TENM1: variants seen among roughly 807,000 people sequenced by gnomAD.
TENM1 encodes teneurin transmembrane protein 1.
Under a neutral mutation model 174.8 loss-of-function variants are expected in TENM1, and 35 were observed. That is an observed-to-expected ratio of 0.20 (90% CI 0.15 to 0.27). TENM1 has a LOEUF of 0.27. Among genes scored for constraint, TENM1 ranks in the 10% least tolerant of loss-of-function variants. The probability of loss-of-function intolerance (pLI) is 1.00; values close to 1 mark genes in which losing one functional copy is unlikely to be tolerated. For synonymous variants in TENM1, 781 were observed against 798.7 expected (o/e 0.98, Z 0.37); for missense variants, 1,633 against 2,130.1 (o/e 0.77, Z 4.59).
the TENM1 span, among the ~76,000 whole-genome samples, chrX:124,987,701 TTGTGTGTGTG>T: frequency 0.012 from 1,075 of 91,368 alleles, 4 homozygotes; most frequent in East Asian, 0.062. Flanking sequence ...GTTCTGCATT[TTGTGTGTGTG>T]TGTGTGTGTG....
chrX:124,835,433 T>C (rs1454996890), intron 3 of TENM1, among the ~76,000 whole-genome samples: 3 of 112,320 alleles, frequency 2.7e-5, no homozygotes, highest in East Asian at 5.5e-4. Context: ...ATCATAATTA[T>C]GAAATATAAT....
intron 5 of TENM1, 135 bp downstream of exon 8, chrX:124,704,878 A>G: frequency 2.1e-6 from 1 of 475,903 alleles, no homozygotes; most frequent in Non-Finnish European, 3.6e-6. Flanking sequence ...AAAGAAGAAA[A>G]TCAATTTGTT....
At chrX:125,068,745 T>C in the TENM1 span, among the ~76,000 whole-genome samples, 1 of 111,578 alleles carries the variant, frequency 9.0e-6, no homozygotes, top group South Asian at 3.8e-4. Flanking sequence ...AGAGAACAGA[T>C]TTGATCTGGG....
the TENM1 span, among the ~76,000 whole-genome samples, chrX:125,203,367 C>T: frequency 8.9e-6 from 1 of 112,456 alleles, no homozygotes; most frequent in Non-Finnish European, 1.9e-5. Flanking sequence ...CCGAGCCTCC[C>T]ATCCTCACCC....
At chrX:125,005,905 C>G in the TENM1 span, among the ~76,000 whole-genome samples, 1 of 111,660 alleles carries the variant, frequency 9.0e-6, no homozygotes, top group Non-Finnish European at 1.9e-5. Context: ...TGAGCCTATA[C>G]CACTAGAGCC....
chrX:124,399,357 C>T (rs1205502309), intron 27 of TENM1, among the ~76,000 whole-genome samples: 1 of 112,255 alleles, frequency 8.9e-6, no homozygotes, highest in Non-Finnish European at 1.9e-5. Flanking sequence ...AATACTACCA[C>T]TAATAATATA....
chrX:125,005,433 G>T, the TENM1 span, among the ~76,000 whole-genome samples: 1 of 108,464 alleles, frequency 9.2e-6, no homozygotes. Context: ...GTGTGTGTGT[G>T]TGTGTGTGTG....
exon 5 of TENM1, chrX:124,705,183 A>C: frequency 8.3e-7 from 1 of 1,211,369 alleles, no homozygotes; most frequent in African/African-American, 1.7e-5. Flanking sequence ...ATTGGATGTC[A>C]GAGGGTAGTT....
chrX:124,782,456 A>G (rs1352463752), intron 3 of TENM1, among the ~76,000 whole-genome samples: 2 of 110,763 alleles, frequency 1.8e-5, no homozygotes, highest in Non-Finnish European at 3.8e-5. Context: ...TCCCATGACC[A>G]TATATACCAT....
At chrX:124,650,225 AAAAG>A (rs1369513786) in intron 8 of TENM1, among the ~76,000 whole-genome samples, 1 of 106,119 alleles carries the variant, frequency 9.4e-6, no homozygotes, top group Non-Finnish European at 1.9e-5. Context: ...AAAAAAAAAA[AAAAG>A]AAAGAGGAGA....
chrX:124,471,130 AT>A (rs2061295780), intron 22 of TENM1, among the ~76,000 whole-genome samples: 1 of 84,368 alleles, frequency 1.2e-5, no homozygotes, highest in African/African-American at 4.4e-5. Flanking sequence ...GAAATATATA[AT>A]ATATAGTAAT....
intron 14 of TENM1, among the ~76,000 whole-genome samples, chrX:124,551,429 C>T (rs1569302791): frequency 9.0e-6 from 1 of 110,580 alleles, no homozygotes; most frequent in Non-Finnish European, 1.9e-5. Context: ...AGCAAGTTCT[C>T]GTACAACATA....
At chrX:124,404,544 G>A (rs1209502216) in intron 27 of TENM1, among the ~76,000 whole-genome samples, 3 of 108,773 alleles carry the variant, frequency 2.8e-5, no homozygotes, top group Non-Finnish European at 5.8e-5. Context: ...TCATGGCAAT[G>A]CTATAATTCA....
chrX:124,883,792 G>A (rs1269202643), intron 3 of TENM1, among the ~76,000 whole-genome samples: 1 of 111,701 alleles, frequency 9.0e-6, no homozygotes, highest in Admixed American at 9.4e-5. Context: ...TGGTTGTGTT[G>A]GCCCAACTTG....
chrX:124,482,003 T>C, intron 21 of TENM1, 39 bp from the exon 25 acceptor site: 1 of 951,485 alleles, frequency 1.1e-6, no homozygotes, highest in Non-Finnish European at 1.5e-6. Context: ...AGGCAATTTT[T>C]CAACACGAAC....
the TENM1 span, among the ~76,000 whole-genome samples, chrX:124,989,607 T>C: frequency 2.7e-5 from 3 of 111,119 alleles, no homozygotes; most frequent in Admixed American, 2.9e-4. Flanking sequence ...CTACCTGATT[T>C]TAAGACTTAT....
rs144532578 is a variant in TENM1 at position 124,434,968 on chromosome X, A to G, written c.4105-12330T>C. Among the ~76,000 whole-genome samples the G allele has an allele frequency of 5.8e-3, 648 of 111,975 alleles. 5 individuals carry two copies. Among genetic ancestry groups the G allele is most frequent in the African/African-American group, 0.02 (626 of 30,838 alleles). On this transcript the variant is annotated intron_variant, in intron 23 of 31. Transcript: ENST00000422452. Reference sequence around the variant, plus strand: ...TGAGTCTCTATTTTAATTTAATTTTACATGAATTCATTAAATATCTACTGT... The same window carrying G: ...TGAGTCTCTATTTTAATTTAATTTTGCATGAATTCATTAAATATCTACTGT...
upstream of TENM1, among the ~76,000 whole-genome samples, chrX:124,965,475 GTCT>G (rs904747398): frequency 1.3e-4 from 15 of 111,840 alleles, 1 homozygote; most frequent in Non-Finnish European, 2.8e-4. Context: ...ACAAGTCAAG[GTCT>G]TCTTTTCCTA....
At chrX:125,169,759 T>A in the TENM1 span, among the ~76,000 whole-genome samples, 1 of 110,214 alleles carries the variant, frequency 9.1e-6, no homozygotes, top group Non-Finnish European at 1.9e-5. Context: ...GCCCAGAAAG[T>A]CATTTCTTCA....
Sources: allele counts gnomAD v4.1 joint callset (sites outside exome capture counted in the v4.1 genomes callset), GRCh38; gene constraint gnomAD v4.1.1; transcripts MANE v1.5; gene names NCBI Gene and HGNC (gene_info 2026-07-23, HGNC 2026-07-21).